Variants in DNAJC5B observed in about 807,000 individuals in gnomAD.
DNAJC5B encodes DnaJ heat shock protein family (Hsp40) member C5 beta.
A neutral mutation model predicts 24.7 loss-of-function variants in DNAJC5B; 23 were observed. The ratio of observed to expected loss-of-function variants is 0.93; its 90% CI spans 0.67 to 1.32. The LOEUF (loss-of-function observed/expected upper bound fraction) is 1.32, where lower values mean the gene tolerates loss of function less well. Among genes scored for constraint, DNAJC5B ranks in the 40% most tolerant of loss-of-function variants. DNAJC5B has a pLI of 0.00. For synonymous variants in DNAJC5B, 101 were observed against 90.1 expected (o/e 1.12, Z -0.68); for missense variants, 238 against 240.8 (o/e 0.99, Z 0.08).
At chr8:66,018,230 AGTC>A (rs1448666199), upstream of DNAJC5B, among the ~76,000 whole-genome samples, 1 of 151,974 alleles carries the variant, frequency 6.6e-6, no homozygotes, top group African/African-American at 2.4e-5. Context: ...TGTTTTAACA[AGTC>A]CTCAGCCGGG....
intron 3 of DNAJC5B, among the ~76,000 whole-genome samples, chr8:66,066,720 G>T (rs1385305287): frequency 6.6e-6 from 1 of 152,104 alleles, no homozygotes; most frequent in Non-Finnish European, 1.5e-5. Flanking sequence ...CGGAGACTCA[G>T]AAGGGGGAGG....
the DNAJC5B span, among the ~76,000 whole-genome samples, chr8:66,015,637 A>C: frequency 2.0e-5 from 3 of 152,190 alleles, no homozygotes; most frequent in Admixed American, 2.0e-4. Flanking sequence ...AGTTCTCAAA[A>C]GTAGCAGTAT....
At chr8:66,016,807 G>A (rs1486388751), upstream of DNAJC5B, among the ~76,000 whole-genome samples, 7 of 152,156 alleles carry the variant, frequency 4.6e-5, no homozygotes, top group Non-Finnish European at 1.0e-4. Flanking sequence ...TCTATCATGG[G>A]TGGAGAAAGT....
At chr8:66,088,261 G>C (rs1807771892) in intron 5 of DNAJC5B, among the ~76,000 whole-genome samples, 1 of 152,190 alleles carries the variant, frequency 6.6e-6, no homozygotes, top group African/African-American at 2.4e-5. Context: ...GAGCTGGAGT[G>C]GCTGGGATGC....
At chr8:66,042,728 C>A (rs1403371458) in intron 1 of DNAJC5B, among the ~76,000 whole-genome samples, 1 of 132,688 alleles carries the variant, frequency 7.5e-6, no homozygotes, top group Non-Finnish European at 1.6e-5. Flanking sequence ...CTCCTCGCAC[C>A]CCTCTTCTTC....
intron 5 of DNAJC5B, among the ~76,000 whole-genome samples, chr8:66,095,688 CACACACAT>C (rs1320051950): frequency 3.3e-5 from 5 of 150,346 alleles, no homozygotes; most frequent in East Asian, 2.0e-4. Context: ...CACACACACA[CACACACAT>C]ACAATGTTCT....
At chr8:66,027,653 G>A (rs752985396) in intron 1 of DNAJC5B, among the ~76,000 whole-genome samples, 36 of 152,244 alleles carry the variant, frequency 2.4e-4, no homozygotes, top group African/African-American at 5.3e-4. Flanking sequence ...CAGTATTTTC[G>A]TCCTTTCAAG....
chr8:66,068,908 A>G (rs1291131450), intron 3 of DNAJC5B, among the ~76,000 whole-genome samples: 1 of 152,188 alleles, frequency 6.6e-6, no homozygotes, highest in Non-Finnish European at 1.5e-5. Context: ...AAGGTAACAG[A>G]AGCCAGAAGA....
rs1416650581 is a variant in DNAJC5B at position 66,064,379 on chromosome 8, G to C, written c.120-12281G>C. Among the ~76,000 whole-genome samples, 8 of 152,150 alleles carry C rather than the reference G, an allele frequency of 5.3e-5. No individual in the cohort carries two copies. The East Asian group carries it at 1.5e-3, about 29-fold the overall frequency. On this transcript the variant is annotated intron_variant, in intron 3 of 5. Coordinates refer to ENST00000276570, the MANE Select transcript of DNAJC5B (RefSeq NM_033105.6). ...TCACTGGAACTTAAGCCAGAAGCCG[G>C]CAGGAGGAAGGCCTAGAGAGAGCAA...
intron 1 of DNAJC5B, among the ~76,000 whole-genome samples, chr8:66,038,356 A>C (rs749538010): frequency 3.3e-5 from 5 of 152,186 alleles, no homozygotes; most frequent in Non-Finnish European, 7.3e-5. Context: ...TTCTCTTTCA[A>C]ATATGTGTCT....
chr8:66,060,808 A>G (rs1158296137), intron 3 of DNAJC5B, among the ~76,000 whole-genome samples: 1 of 152,236 alleles, frequency 6.6e-6, no homozygotes, highest in Admixed American at 6.5e-5. Flanking sequence ...AGTCTGGTTC[A>G]TTATTCAACG....
intron 3 of DNAJC5B, among the ~76,000 whole-genome samples, chr8:66,061,125 A>T (rs1470510256): frequency 6.6e-6 from 1 of 152,198 alleles, no homozygotes; most frequent in Non-Finnish European, 1.5e-5. Context: ...AGTTAAGAGC[A>T]CAGGGTATTT....
chr8:66,028,199 A>G (rs1337621165), intron 1 of DNAJC5B, among the ~76,000 whole-genome samples: 1 of 152,192 alleles, frequency 6.6e-6, no homozygotes, highest in African/African-American at 2.4e-5. Context: ...ACACAAACTT[A>G]GGGAGAAAAA....
At chr8:66,097,239 T>C (rs1291304493) in intron 5 of DNAJC5B, among the ~76,000 whole-genome samples, 1 of 151,738 alleles carries the variant, frequency 6.6e-6, no homozygotes. Flanking sequence ...AGAGTGTCTT[T>C]TCTTATTTGA....
chr8:66,017,625 G>A (rs1051194236), upstream of DNAJC5B, among the ~76,000 whole-genome samples: 1 of 152,178 alleles, frequency 6.6e-6, no homozygotes, highest in Non-Finnish European at 1.5e-5. Flanking sequence ...AAAATCTCTA[G>A]CACTTAGTCA....
chr8:66,094,706 G>A (rs983177536), intron 5 of DNAJC5B, among the ~76,000 whole-genome samples: 43 of 152,176 alleles, frequency 2.8e-4, no homozygotes, highest in Non-Finnish European at 5.0e-4. Context: ...AAATGTTGAA[G>A]AGAAGGTACT....
At position 66,076,697 on chromosome 8, in the gene DNAJC5B, G is replaced by C; in HGVS notation, c.157G>C (p.Asp53His). The C allele has an allele frequency of 6.2e-7, 1 of 1,614,134 alleles. No homozygotes were observed. The highest frequency in any genetic ancestry group is 2.2e-5 in the East Asian group (1 of 44,886). ...GAAACACCATCCAGACAAGAATCCA[G>C]ATGATCCAGCTGCTACTGAGAAGTT... is the stretch of plus-strand genomic sequence containing the variant. ...ALKHHPDKNP[D>H]DPAATEKFKE... The change falls in exon 4 of 6, where the codon GAT becomes CAT. Residue 53 changes from aspartate to histidine, a missense_variant. Physicochemically the swap from Asp to His is moderately conservative, Grantham distance 81. Transcript: ENST00000276570.
intron 5 of DNAJC5B, among the ~76,000 whole-genome samples, chr8:66,092,901 T>C (rs1807876344): frequency 6.6e-6 from 1 of 152,096 alleles, no homozygotes. Context: ...AAGTGTGGGG[T>C]ACAGATCCTG....
At position 66,076,753 on chromosome 8, in the gene DNAJC5B, T is replaced by C; in HGVS notation, c.213T>C (p.Leu71=). The change falls in exon 4 of 6, where the codon CTT becomes CTC. Residue 71 remains leucine (L), a synonymous_variant. Coordinates refer to ENST00000276570, the MANE Select transcript of DNAJC5B (RefSeq NM_033105.6). ...FKEINNAHAI[L]TDISKRSIYD... ...AAATCAACAACGCCCACGCAATACTTACCGACATTTCAAAGAGAAGCATAT... is the reference window on the plus strand; with the variant it reads ...AAATCAACAACGCCCACGCAATACTCACCGACATTTCAAAGAGAAGCATAT... 6.2e-7 allele frequency: 1 copy of C among 1,614,184 alleles called. No homozygotes were observed. Among genetic ancestry groups the C allele is most frequent in the Non-Finnish European group, 8.5e-7 (1 of 1,180,020 alleles).
Sources: allele counts gnomAD v4.1 joint callset (sites outside exome capture counted in the v4.1 genomes callset), GRCh38; gene constraint gnomAD v4.1.1; transcripts MANE v1.5; gene names NCBI Gene and HGNC (gene_info 2026-07-23, HGNC 2026-07-21).